The following GRID2 variants were observed in gnomAD, a reference collection of about 807,000 sequenced individuals.
GRID2 encodes the protein glutamate receptor ionotropic, delta-2.
Under a neutral mutation model 114.8 loss-of-function variants are expected in GRID2, and 33 were observed. The ratio of observed to expected loss-of-function variants is 0.29; its 90% CI spans 0.22 to 0.38. The LOEUF is 0.38. Among genes scored for constraint, GRID2 ranks in the 10% least tolerant of loss-of-function variants. GRID2 has a pLI of 1.00. For missense variants in GRID2, 1,184 were observed against 1,257.7 expected (o/e 0.94, Z 0.89); for synonymous variants, 505 against 449.9 (o/e 1.12, Z -1.55).
intron 8 of GRID2, among the ~76,000 whole-genome samples, chr4:93,295,218 A>T (rs923099922): frequency 6.6e-6 from 1 of 152,214 alleles, no homozygotes; most frequent in Admixed American, 6.5e-5. Context: ...CACATGGGGA[A>T]GATTTAAAAT....
intron 1 of GRID2, among the ~76,000 whole-genome samples, chr4:92,506,639 G>T (rs1158895350): frequency 6.6e-6 from 1 of 151,752 alleles, no homozygotes; most frequent in Non-Finnish European, 1.5e-5. Flanking sequence ...TGATTTTCTG[G>T]CATGTATTCT....
intron 2 of GRID2, among the ~76,000 whole-genome samples, chr4:92,927,357 G>A (rs919166351): frequency 2.1e-4 from 32 of 151,970 alleles, no homozygotes; most frequent in African/African-American, 5.5e-4. Context: ...GATGCTGGCA[G>A]AACTTCTTGG....
intron 4 of GRID2, among the ~76,000 whole-genome samples, chr4:93,125,352 A>C (rs2149367393): frequency 6.6e-6 from 1 of 152,104 alleles, no homozygotes; most frequent in Admixed American, 6.5e-5. Context: ...AGTTTTGAAA[A>C]AGCAAATTCA....
At chr4:92,851,091 A>G (rs1384625938) in intron 2 of GRID2, among the ~76,000 whole-genome samples, 6 of 152,008 alleles carry the variant, frequency 3.9e-5, no homozygotes, top group African/African-American at 9.6e-5. Context: ...TTATTAATCT[A>G]TTGTTTCAAT....
At chr4:92,808,634 C>T (rs1003272954) in intron 2 of GRID2, among the ~76,000 whole-genome samples, 1 of 151,942 alleles carries the variant, frequency 6.6e-6, no homozygotes. Flanking sequence ...GACCAGAGAA[C>T]TGAACAACTG....
At chr4:93,243,413 G>A (rs1032845721) in intron 8 of GRID2, among the ~76,000 whole-genome samples, 2 of 152,032 alleles carry the variant, frequency 1.3e-5, no homozygotes, top group East Asian at 3.9e-4. Flanking sequence ...TGTCCAAAAT[G>A]AAGGTTCCAC....
intron 14 of GRID2, among the ~76,000 whole-genome samples, chr4:93,672,959 T>C (rs1724556800): frequency 6.6e-6 from 1 of 152,244 alleles, no homozygotes; most frequent in African/African-American, 2.4e-5. Flanking sequence ...TCATTTTATA[T>C]TGAATCTCTG....
chr4:92,361,942 C>T (rs773997917), intron 1 of GRID2, among the ~76,000 whole-genome samples: 12 of 151,766 alleles, frequency 7.9e-5, no homozygotes, highest in Non-Finnish European at 1.6e-4. Flanking sequence ...GCAAATTCTG[C>T]AGTATTATGT....
At chr4:93,365,900 G>A (rs1762290608) in intron 8 of GRID2, among the ~76,000 whole-genome samples, 2 of 152,062 alleles carry the variant, frequency 1.3e-5, no homozygotes, top group Non-Finnish European at 1.5e-5. Context: ...AATTTCTTAT[G>A]CCTGTCTTTA....
intron 2 of GRID2, among the ~76,000 whole-genome samples, chr4:92,619,618 A>G (rs188989707): frequency 8.3e-4 from 126 of 151,392 alleles, no homozygotes; most frequent in Non-Finnish European, 1.1e-3. Context: ...TCCCCTCCCA[A>G]CCCCGGCATG....
chr4:92,654,171 G>C (rs1732113899), intron 2 of GRID2, among the ~76,000 whole-genome samples: 1 of 151,902 alleles, frequency 6.6e-6, no homozygotes, highest in South Asian at 2.1e-4. Flanking sequence ...TGCAGACCCA[G>C]AAATCCAAGG....
chr4:93,338,053 A>G (rs1268921283), intron 8 of GRID2, among the ~76,000 whole-genome samples: 1 of 152,174 alleles, frequency 6.6e-6, no homozygotes, highest in Non-Finnish European at 1.5e-5. Flanking sequence ...GTTTAGTCCC[A>G]ATAACAATGT....
At chr4:93,304,436 C>T (rs1755204347) in intron 8 of GRID2, among the ~76,000 whole-genome samples, 1 of 151,504 alleles carries the variant, frequency 6.6e-6, no homozygotes, top group Non-Finnish European at 1.5e-5. Context: ...GCTTTTTTCC[C>T]CCCTTAGGAA....
At chr4:92,601,610 A>T (rs1729218188) in intron 2 of GRID2, among the ~76,000 whole-genome samples, 1 of 152,162 alleles carries the variant, frequency 6.6e-6, no homozygotes, top group South Asian at 2.1e-4. Context: ...TCCTAACATC[A>T]CAACTAAGAG....
chr4:92,656,093 T>C (rs1389791182), intron 2 of GRID2, among the ~76,000 whole-genome samples: 3 of 151,810 alleles, frequency 2.0e-5, no homozygotes, highest in African/African-American at 7.2e-5. Flanking sequence ...GTTCTATTTT[T>C]ATTTTTTTGA....
chr4:93,035,077 C>T (rs577915056), intron 2 of GRID2, among the ~76,000 whole-genome samples: 68 of 151,618 alleles, frequency 4.5e-4, no homozygotes, highest in Non-Finnish European at 8.2e-4. Context: ...TAAGCTCTCT[C>T]CCTTCTTTTA....
At chr4:93,011,728 A>G (rs1222639526) in intron 2 of GRID2, among the ~76,000 whole-genome samples, 3 of 152,122 alleles carry the variant, frequency 2.0e-5, no homozygotes, top group African/African-American at 7.2e-5. Flanking sequence ...ACGGAACACA[A>G]TAGGAGCTTT....
intron 11 of GRID2, among the ~76,000 whole-genome samples, chr4:93,463,753 G>A (rs1226543191): frequency 3.9e-5 from 6 of 152,118 alleles, no homozygotes; most frequent in Non-Finnish European, 8.8e-5. Context: ...ATTTTGGGAG[G>A]CCAAGGTGGG....
rs140164330 is a variant in GRID2, at chr4:93,064,912, T to G, written c.245-20083T>G. Among the ~76,000 whole-genome samples, 27 of 151,962 alleles carry G rather than the reference T, an allele frequency of 1.8e-4. No individual in the cohort carries two copies. In the East Asian group the frequency reaches 5.0e-3, roughly 28 times the overall value. ...GATTGAAGAATGTGCTTATTCCAAG[T>G]AGATTGTTACTTGTTTCCATTATAG... On this transcript the variant is annotated intron_variant, in intron 2 of 15. Coordinates refer to ENST00000282020, the MANE Select transcript of GRID2 (RefSeq NM_001510.4).
Sources: allele counts gnomAD v4.1 joint callset (sites outside exome capture counted in the v4.1 genomes callset), GRCh38; gene constraint gnomAD v4.1.1; transcripts MANE v1.5; gene names NCBI Gene and HGNC (gene_info 2026-07-23, HGNC 2026-07-21).